The following NR2F1-AS1 variants were observed in gnomAD, a reference collection of about 807,000 sequenced individuals.
NR2F1-AS1 encodes the protein NR2F1 regulatory antisense RNA 1.
chr5:93,424,294 T>G (rs1749151295), intron 4 of NR2F1-AS1, among the ~76,000 whole-genome samples: 4 of 148,318 alleles, frequency 2.7e-5, no homozygotes, highest in African/African-American at 9.7e-5. Context: ...ACTCTACAAG[T>G]ACATTATATT....
chr5:93,540,192 G>T (rs966906143), intron 4 of NR2F1-AS1, among the ~76,000 whole-genome samples: 1 of 152,152 alleles, frequency 6.6e-6, no homozygotes, highest in African/African-American at 2.4e-5. Flanking sequence ...ATGCAAAAAT[G>T]ATGTTGTTTG....
chr5:93,553,013 T>C (rs1160397458), intron 4 of NR2F1-AS1, among the ~76,000 whole-genome samples: 1 of 152,142 alleles, frequency 6.6e-6, no homozygotes, highest in Non-Finnish European at 1.5e-5. Context: ...ACTATGTCTC[T>C]GGAATAGCAA....
At chr5:93,569,235 A>C (rs978033579) in intron 1 of NR2F1-AS1, among the ~76,000 whole-genome samples, 12 of 152,188 alleles carry the variant, frequency 7.9e-5, no homozygotes, top group Non-Finnish European at 1.2e-4. Context: ...ACAGAAGAGA[A>C]GGGAGAAAAT....
At chr5:93,572,722 G>T (rs539846571) in intron 1 of NR2F1-AS1, among the ~76,000 whole-genome samples, 1 of 152,214 alleles carries the variant, frequency 6.6e-6, no homozygotes, top group Admixed American at 6.5e-5. Context: ...GGTGGTTGTT[G>T]TTCTTTTAAA....
intron 4 of NR2F1-AS1, among the ~76,000 whole-genome samples, chr5:93,440,582 G>A (rs1374797306): frequency 3.3e-5 from 5 of 152,084 alleles, no homozygotes; most frequent in East Asian, 1.9e-4. Flanking sequence ...ACTATACCAC[G>A]AGCTCTCCCT....
chr5:93,445,346 A>T (rs965323470), intron 4 of NR2F1-AS1, among the ~76,000 whole-genome samples: 2 of 152,190 alleles, frequency 1.3e-5, no homozygotes, highest in Admixed American at 1.3e-4. Context: ...TAGACACAAT[A>T]AAAAATTATA....
chr5:93,415,844 C>G (rs1311145932), intron 4 of NR2F1-AS1, among the ~76,000 whole-genome samples: 2 of 152,194 alleles, frequency 1.3e-5, no homozygotes, highest in Non-Finnish European at 2.9e-5. Flanking sequence ...TCTGTTTTCT[C>G]AAAGGAAGAT....
At chr5:93,491,787 T>C (rs1018299129) in intron 4 of NR2F1-AS1, among the ~76,000 whole-genome samples, 23 of 152,172 alleles carry the variant, frequency 1.5e-4, no homozygotes, top group Non-Finnish European at 2.6e-4. Context: ...ACTGGTAGCC[T>C]CCCCAGTTCT....
chr5:93,451,053 A>G (rs1254852244), intron 4 of NR2F1-AS1, among the ~76,000 whole-genome samples: 1 of 152,110 alleles, frequency 6.6e-6, no homozygotes, highest in Non-Finnish European at 1.5e-5. Context: ...AATCTGATCA[A>G]TATGATCTCA....
At chr5:93,448,658 C>T (rs908844069) in intron 4 of NR2F1-AS1, among the ~76,000 whole-genome samples, 1 of 152,170 alleles carries the variant, frequency 6.6e-6, no homozygotes, top group Non-Finnish European at 1.5e-5. Flanking sequence ...AGCTGGCAGG[C>T]TTGAGACCCA....
intron 2 of NR2F1-AS1, among the ~76,000 whole-genome samples, chr5:93,558,723 T>A (rs976933045): frequency 7.2e-5 from 11 of 152,346 alleles, no homozygotes; most frequent in African/African-American, 2.6e-4. Context: ...AAAACAATAT[T>A]AATCTCCTTG....
At chr5:93,500,253 A>C (rs1002736443) in intron 4 of NR2F1-AS1, among the ~76,000 whole-genome samples, 10 of 152,238 alleles carry the variant, frequency 6.6e-5, no homozygotes, top group Admixed American at 6.5e-4. Context: ...TTCAAAGGAC[A>C]GGCTGACTCT....
chr5:93,517,755 C>T (rs1240253025), intron 4 of NR2F1-AS1, among the ~76,000 whole-genome samples: 1 of 152,032 alleles, frequency 6.6e-6, no homozygotes, highest in East Asian at 1.9e-4. Context: ...TAACTAATCA[C>T]ATTTATTTAT....
At chr5:93,465,043 C>T (rs1750196573) in intron 4 of NR2F1-AS1, among the ~76,000 whole-genome samples, 1 of 152,118 alleles carries the variant, frequency 6.6e-6, no homozygotes, top group African/African-American at 2.4e-5. Flanking sequence ...TGACACCTTG[C>T]AGCTTTGCTG....
intron 4 of NR2F1-AS1, among the ~76,000 whole-genome samples, chr5:93,497,539 A>G (rs1453436094): frequency 6.6e-6 from 1 of 152,128 alleles, no homozygotes; most frequent in Admixed American, 6.6e-5. Context: ...CTTAATTTCA[A>G]CTCATCATGG....
intron 4 of NR2F1-AS1, among the ~76,000 whole-genome samples, chr5:93,484,120 G>A (rs146396265): frequency 0.029 from 4,477 of 152,182 alleles, 214 homozygotes; most frequent in African/African-American, 0.1. Context: ...GATACTCCTC[G>A]AGAAGAGCAA....
intron 4 of NR2F1-AS1, among the ~76,000 whole-genome samples, chr5:93,467,559 T>C (rs1335328135): frequency 6.6e-6 from 1 of 152,254 alleles, no homozygotes; most frequent in Non-Finnish European, 1.5e-5. Flanking sequence ...CAAAATGTTA[T>C]CTGTTTCGTG....
intron 4 of NR2F1-AS1, among the ~76,000 whole-genome samples, chr5:93,479,980 T>C (rs1750566655): frequency 6.6e-6 from 1 of 151,816 alleles, no homozygotes; most frequent in African/African-American, 2.4e-5. Context: ...ACTTACCCAG[T>C]CTTATGAACA....
At chr5:93,500,880 G>T (rs1751064778) in intron 4 of NR2F1-AS1, among the ~76,000 whole-genome samples, 1 of 152,114 alleles carries the variant, frequency 6.6e-6, no homozygotes, top group African/African-American at 2.4e-5. Context: ...CTCCCAAAGT[G>T]ATAGGATTAC....
Sources: allele counts gnomAD v4.1 joint callset (sites outside exome capture counted in the v4.1 genomes callset), GRCh38; gene constraint gnomAD v4.1.1; transcripts MANE v1.5; gene names NCBI Gene and HGNC (gene_info 2026-07-23, HGNC 2026-07-21).